SRFBP1: variants seen among roughly 807,000 people sequenced by gnomAD.
SRFBP1 encodes serum response factor binding protein 1.
In SRFBP1, 47 loss-of-function variants were observed where a neutral mutation model predicts 45.5. The ratio of observed to expected loss-of-function variants is 1.03; its 90% CI spans 0.82 to 1.32. The LOEUF is 1.32. SRFBP1 is among the 40% of genes most tolerant of loss of function. The pLI is 0.00. For synonymous variants in SRFBP1, 203 were observed against 166.3 expected (o/e 1.22, Z -1.70); for missense variants, 621 against 484.6 (o/e 1.28, Z -2.64).
intron 2 of SRFBP1, among the ~76,000 whole-genome samples, chr5:122,041,590 G>C (rs1286183982): frequency 6.6e-6 from 1 of 151,426 alleles, no homozygotes; most frequent in Non-Finnish European, 1.5e-5. Context: ...TTATAAATGT[G>C]ATCTGATCTT....
intron 2 of SRFBP1, chr5:122,063,368 T>G (rs879501807): frequency 3.3e-5 from 5 of 151,856 alleles, no homozygotes; most frequent in African/African-American, 9.7e-5. Context: ...CCTGAAAAAT[T>G]TGGGAGAAGC....
intron 4 of SRFBP1, among the ~76,000 whole-genome samples, chr5:121,998,087 C>G (rs1752771151): frequency 6.6e-6 from 1 of 151,880 alleles, no homozygotes; most frequent in Admixed American, 6.6e-5. Flanking sequence ...TTAGTTCAAC[C>G]ATTGTGGAAG....
At chr5:122,015,141 C>A (rs1753171736) in intron 4 of SRFBP1, among the ~76,000 whole-genome samples, 1 of 152,096 alleles carries the variant, frequency 6.6e-6, no homozygotes, top group Non-Finnish European at 1.5e-5. Context: ...AGGGCAGTTT[C>A]TTGGGGAATA....
intron 3 of SRFBP1, among the ~76,000 whole-genome samples, chr5:121,981,615 C>T (rs937694060): frequency 8.6e-5 from 13 of 151,032 alleles, no homozygotes; most frequent in African/African-American, 3.2e-4. Context: ...TTTCAGGCCC[C>T]CTTGCCTACA....
chr5:122,040,830 T>C (rs1282614599), intron 2 of SRFBP1, among the ~76,000 whole-genome samples: 1 of 152,172 alleles, frequency 6.6e-6, no homozygotes, highest in Non-Finnish European at 1.5e-5. Context: ...CTCCCTCAAT[T>C]TTTCAGATCT....
intron 3 of SRFBP1, among the ~76,000 whole-genome samples, chr5:121,989,441 A>T (rs533218491): frequency 1.3e-5 from 2 of 152,246 alleles, no homozygotes; most frequent in African/African-American, 4.8e-5. Flanking sequence ...AACAATATAC[A>T]CTAGGAAGAG....
intron 4 of SRFBP1, among the ~76,000 whole-genome samples, chr5:122,001,463 TAA>T (rs983550583): frequency 2.7e-5 from 4 of 149,490 alleles, no homozygotes; most frequent in Non-Finnish European, 5.9e-5. Flanking sequence ...TACTCCACAC[TAA>T]GTGTTGTATA....
chr5:121,992,377 CG>C (rs1752636938), intron 3 of SRFBP1, among the ~76,000 whole-genome samples: 1 of 151,884 alleles, frequency 6.6e-6, no homozygotes, highest in African/African-American at 2.4e-5. Flanking sequence ...CCCACACTTT[CG>C]TTTTTTTGTT....
At position 122,027,640 on chromosome 5, in the gene SRFBP1, A is replaced by C. The variant is rs1222006744; in HGVS notation, c.*514A>C. On this transcript the variant is annotated 3_prime_UTR_variant, in exon 8 of 8. Transcript: ENST00000339397. ...ATGTCAATATATATTTAAAATAATA[A>C]TGGAAACATAGGAAATCAGCTATTT... The C allele has an allele frequency of 2.6e-5, 4 of 152,134 alleles. No homozygotes were observed. Among genetic ancestry groups the C allele is most frequent in the African/African-American group, 7.2e-5 (3 of 41,440 alleles). 9.4% of individuals were successfully genotyped at this position (152,134 alleles called of 1,614,324 possible). A position where few individuals can be genotyped will look rare whatever the true frequency, so the allele number is the denominator to read the frequency against.
chr5:121,988,826 G>C (rs1280938570), intron 3 of SRFBP1, among the ~76,000 whole-genome samples: 1 of 152,136 alleles, frequency 6.6e-6, no homozygotes, highest in African/African-American at 2.4e-5. Flanking sequence ...GTACAGAGTT[G>C]AGCAACCTAA....
chr5:122,039,854 A>C (rs1331473028), intron 2 of SRFBP1, among the ~76,000 whole-genome samples: 1 of 152,212 alleles, frequency 6.6e-6, no homozygotes, highest in Non-Finnish European at 1.5e-5. Context: ...TATTTTGTCC[A>C]AAATGAATAA....
chr5:121,962,528 G>C (rs1187177206), intron 1 of SRFBP1, among the ~76,000 whole-genome samples: 1 of 152,222 alleles, frequency 6.6e-6, no homozygotes, highest in Non-Finnish European at 1.5e-5. Flanking sequence ...GAATGAGACT[G>C]TATGCTCAGT....
intron 3 of SRFBP1, among the ~76,000 whole-genome samples, chr5:121,993,498 G>C (rs1228953952): frequency 1.3e-5 from 2 of 152,094 alleles, no homozygotes; most frequent in Non-Finnish European, 2.9e-5. Context: ...CATAGAGGCA[G>C]TAGGCCAGAA....
intron 3 of SRFBP1, among the ~76,000 whole-genome samples, chr5:121,977,804 A>G (rs186055817): frequency 6.6e-6 from 1 of 152,048 alleles, no homozygotes; most frequent in African/African-American, 2.4e-5. Flanking sequence ...TAGAAATGAG[A>G]GTTTGCTTTT....
At chr5:121,980,891 C>G (rs780826503) in intron 3 of SRFBP1, among the ~76,000 whole-genome samples, 22 of 152,140 alleles carry the variant, frequency 1.4e-4, no homozygotes, top group Non-Finnish European at 1.9e-4. Context: ...TTACCCTGCT[C>G]TCTCAGCGGA....
At chr5:122,067,896 C>T (rs144429656) in intron 2 of SRFBP1, among the ~76,000 whole-genome samples, 12 of 152,016 alleles carry the variant, frequency 7.9e-5, no homozygotes, top group African/African-American at 9.6e-5. Context: ...GAAACTCAGC[C>T]CAAAGAGACC....
intron 4 of SRFBP1, 128 bp from the exon 5 acceptor site, chr5:122,019,132 G>A (rs1410848993): frequency 1.3e-6 from 1 of 750,084 alleles, no homozygotes; most frequent in Middle Eastern, 3.8e-4. Context: ...TCTTATCTAA[G>A]GAGAATATTA....
At chr5:122,017,144 G>T (rs1215057564) in intron 4 of SRFBP1, among the ~76,000 whole-genome samples, 1 of 152,106 alleles carries the variant, frequency 6.6e-6, no homozygotes, top group African/African-American at 2.4e-5. Flanking sequence ...CAGGAGAATC[G>T]CTTGAACCCG....
intron 3 of SRFBP1, among the ~76,000 whole-genome samples, chr5:121,991,970 G>A (rs1752630082): frequency 6.6e-6 from 1 of 151,986 alleles, no homozygotes; most frequent in Non-Finnish European, 1.5e-5. Context: ...CTAATTATTG[G>A]CATTATTTAT....
Sources: allele counts gnomAD v4.1 joint callset (sites outside exome capture counted in the v4.1 genomes callset), GRCh38; gene constraint gnomAD v4.1.1; transcripts MANE v1.5; gene names NCBI Gene and HGNC (gene_info 2026-07-23, HGNC 2026-07-21).